Variants in MOB3B observed in about 807,000 individuals in gnomAD.
MOB3B encodes the protein MOB kinase activator 3B, also known as MOB kinase activator-like 2B.
In MOB3B, 7 loss-of-function variants were observed where a neutral mutation model predicts 18.7. That is an observed-to-expected ratio of 0.37 (90% CI 0.21 to 0.70). The LOEUF is 0.70. Ranked by LOEUF, MOB3B falls within the 30% of genes least tolerant of loss-of-function variation. The pLI is 0.52. For missense variants in MOB3B, 253 were observed against 281.3 expected (o/e 0.90, Z 0.72); for synonymous variants, 111 against 99.9 (o/e 1.11, Z -0.66).
intron 1 of MOB3B, among the ~76,000 whole-genome samples, chr9:27,495,001 G>C (rs1819875558): frequency 6.6e-6 from 1 of 152,152 alleles, no homozygotes; most frequent in East Asian, 1.9e-4. Flanking sequence ...GCCACAATCA[G>C]AGTGGCAAGG....
intron 2 of MOB3B, among the ~76,000 whole-genome samples, chr9:27,379,640 T>C (rs774138456): frequency 2.6e-5 from 4 of 152,142 alleles, no homozygotes; most frequent in Non-Finnish European, 5.9e-5. Flanking sequence ...AAGTGAGACC[T>C]GGTCCAAAGC....
chr9:27,515,895 A>C (rs1820224990), intron 1 of MOB3B, among the ~76,000 whole-genome samples: 1 of 152,242 alleles, frequency 6.6e-6, no homozygotes, highest in South Asian at 2.1e-4. Flanking sequence ...CCTTATTTGG[A>C]AACAAAAGAC....
rs937448101 is a variant in MOB3B, at chr9:27,358,972, C to T, written c.621+62G>A. The T allele has an allele frequency of 6.5e-6, 10 of 1,528,486 alleles. No homozygotes were observed. The Admixed American group carries it at 1.2e-4, about 18-fold the overall frequency. 94.7% of individuals were successfully genotyped at this position (1,528,486 alleles called of 1,614,324 possible). ...GCATTTTCCAGGGATTGACAATGCG[C>T]TCTGACAAATGGCCGAGCTCCTGGG... is the stretch of plus-strand genomic sequence containing the variant. On this transcript the variant is annotated intron_variant, in intron 3 of 3. Transcript: ENST00000262244.
chr9:27,348,086 G>A (rs1388994527), intron 3 of MOB3B, among the ~76,000 whole-genome samples: 1 of 152,196 alleles, frequency 6.6e-6, no homozygotes, highest in Non-Finnish European at 1.5e-5. Context: ...GTGAGAAAGT[G>A]TAGATAGTTG....
intron 1 of MOB3B, among the ~76,000 whole-genome samples, chr9:27,488,735 G>A (rs1356159189): frequency 6.6e-6 from 1 of 152,150 alleles, no homozygotes; most frequent in Non-Finnish European, 1.5e-5. Flanking sequence ...AGGGGTCATG[G>A]CATACCCATC....
At chr9:27,380,065 G>A (rs975948867) in intron 2 of MOB3B, among the ~76,000 whole-genome samples, 4 of 151,966 alleles carry the variant, frequency 2.6e-5, no homozygotes, top group Admixed American at 1.3e-4. Context: ...ACCCACCCAC[G>A]CCTTTCTGGG....
chr9:27,493,412 G>A lies in MOB3B; in HGVS notation c.-199+36143C>T, dbSNP rs186758611. Among the ~76,000 whole-genome samples the A allele has an allele frequency of 5.1e-4, 77 of 152,226 alleles. 2 individuals are homozygous for A. The highest frequency in any genetic ancestry group is 1.2e-3 in the Admixed American group (19 of 15,294). ...TCCCAGCACTTTGGGAGGCCGAGAC[G>A]GGAGGATCACGAGGTCAGAAGATCG... On this transcript the variant is annotated intron_variant, in intron 1 of 3. Transcript: ENST00000262244.
At chr9:27,475,658 G>A (rs779232246) in intron 1 of MOB3B, among the ~76,000 whole-genome samples, 35 of 152,176 alleles carry the variant, frequency 2.3e-4, no homozygotes, top group African/African-American at 3.9e-4. Context: ...TTAAAAAATG[G>A]CAGATATCGA....
chr9:27,506,011 C>T (rs1319325504), intron 1 of MOB3B, among the ~76,000 whole-genome samples: 1 of 152,194 alleles, frequency 6.6e-6, no homozygotes, highest in Non-Finnish European at 1.5e-5. Context: ...GGGCAGATTG[C>T]CACATGGAAA....
At chr9:27,335,086 T>A (rs1174124684) in intron 3 of MOB3B, among the ~76,000 whole-genome samples, 1 of 152,232 alleles carries the variant, frequency 6.6e-6, no homozygotes, top group African/African-American at 2.4e-5. Context: ...ATTATAGGCA[T>A]GAGCCACTGC....
chr9:27,504,354 C>T (rs1820028854), intron 1 of MOB3B, among the ~76,000 whole-genome samples: 1 of 152,186 alleles, frequency 6.6e-6, no homozygotes, highest in African/African-American at 2.4e-5. Context: ...AAATGACACC[C>T]ATCCTACAAC....
intron 2 of MOB3B, among the ~76,000 whole-genome samples, chr9:27,380,304 C>T (rs1410247900): frequency 6.9e-6 from 1 of 145,836 alleles, no homozygotes; most frequent in African/African-American, 2.5e-5. Flanking sequence ...CTCACTCTGT[C>T]GCCAGGCTGG....
chr9:27,405,967 T>C (rs562813498), intron 2 of MOB3B, among the ~76,000 whole-genome samples: 25 of 152,246 alleles, frequency 1.6e-4, no homozygotes, highest in Middle Eastern at 3.4e-3. Flanking sequence ...ATAGCTAGAA[T>C]CATATCGAAC....
chr9:27,474,471 T>C (rs1207979861), intron 1 of MOB3B, among the ~76,000 whole-genome samples: 2 of 152,184 alleles, frequency 1.3e-5, no homozygotes, highest in Non-Finnish European at 2.9e-5. Context: ...TGAATAAACC[T>C]TACCCATGTC....
chr9:27,438,702 C>T (rs544654483), intron 2 of MOB3B, among the ~76,000 whole-genome samples: 12 of 152,266 alleles, frequency 7.9e-5, no homozygotes, highest in African/African-American at 2.4e-4. Flanking sequence ...AGAGATGAAA[C>T]GTACACTTGC....
In MOB3B at chr9:27,325,974, T is replaced by TG. The variant is rs1820705331; in HGVS notation, c.*4612_*4613insC. On this transcript the variant is annotated 3_prime_UTR_variant, in exon 4 of 4. Coordinates refer to ENST00000262244, the MANE Select transcript of MOB3B (RefSeq NM_024761.5). ...TTAATGTTTTGCCAATTAAGGTTTTTTTTTTTTTTTTTTTGAAACAACAAC... is the reference window on the plus strand; with the variant it reads ...TTAATGTTTTGCCAATTAAGGTTTTTGTTTTTTTTTTTTTTGAAACAACAAC... 6.6e-6 allele frequency: 1 copy of TG among 151,532 alleles called. No individual in the cohort carries two copies. The highest frequency in any genetic ancestry group is 2.1e-4 in the South Asian group (1 of 4,800). 9.4% of individuals were successfully genotyped at this position (151,532 alleles called of 1,614,324 possible). A position where few individuals can be genotyped will look rare whatever the true frequency, so the allele number is the denominator to read the frequency against.
At chr9:27,444,255 G>A (rs1375111615) in intron 2 of MOB3B, among the ~76,000 whole-genome samples, 1 of 102,986 alleles carries the variant, frequency 9.7e-6, no homozygotes, top group Non-Finnish European at 2.1e-5. Context: ...AAGGAAGGAA[G>A]GAAGGAAGGA....
At chr9:27,487,252 G>C (rs974536272) in intron 1 of MOB3B, among the ~76,000 whole-genome samples, 3 of 152,124 alleles carry the variant, frequency 2.0e-5, no homozygotes, top group African/African-American at 7.2e-5. Context: ...ATAGCAAACA[G>C]CCTAGGAAAC....
chr9:27,479,960 G>T (rs1334755916), intron 1 of MOB3B, among the ~76,000 whole-genome samples: 1 of 151,742 alleles, frequency 6.6e-6, no homozygotes, highest in Non-Finnish European at 1.5e-5. Flanking sequence ...GAGAAGCTGA[G>T]GCAGGAGAAT....
Sources: allele counts gnomAD v4.1 joint callset (sites outside exome capture counted in the v4.1 genomes callset), GRCh38; gene constraint gnomAD v4.1.1; transcripts MANE v1.5; gene names NCBI Gene and HGNC (gene_info 2026-07-23, HGNC 2026-07-21).